The following MBOAT2 variants were observed in gnomAD, a reference collection of about 807,000 sequenced individuals.
MBOAT2 encodes membrane-bound glycerophospholipid O-acyltransferase 2.
Under a neutral mutation model 63.4 loss-of-function variants are expected in MBOAT2, and 28 were observed. The observed-to-expected ratio is 0.44, with a 90% confidence interval of 0.33 to 0.61. The LOEUF is 0.61. Among genes scored for constraint, MBOAT2 ranks in the 20% least tolerant of loss-of-function variants. MBOAT2 has a pLI of 0.03. For missense variants in MBOAT2, 470 were observed against 605.8 expected, an observed-to-expected ratio of 0.78 and a Z score of 2.35; for synonymous variants, 211 against 215.6, an observed-to-expected ratio of 0.98 and a Z score of 0.19.
chr2:8,876,353 C>G (rs1312491385), intron 7 of MBOAT2, among the ~76,000 whole-genome samples: 5 of 152,170 alleles, frequency 3.3e-5, no homozygotes, highest in African/African-American at 1.2e-4. Flanking sequence ...TCAGTTTCCT[C>G]AATGGTGAGA....
intron 4 of MBOAT2, among the ~76,000 whole-genome samples, chr2:8,905,010 A>G (rs77479021): frequency 0.013 from 1,942 of 152,126 alleles, 24 homozygotes; most frequent in Middle Eastern, 0.027. Flanking sequence ...ACACACACAC[A>G]CGCGCGCAGT....
At chr2:8,984,086 T>C (rs1008181948) in intron 1 of MBOAT2, among the ~76,000 whole-genome samples, 2 of 152,158 alleles carry the variant, frequency 1.3e-5, no homozygotes, top group African/African-American at 4.8e-5. Flanking sequence ...TGAGGTCCCA[T>C]AACATACCTC....
At position 8,858,641 on chromosome 2, in the gene MBOAT2, A is replaced by G; in HGVS notation, c.*38T>C. 17 of 1,475,096 alleles carry G rather than the reference A, an allele frequency of 1.2e-5. No homozygotes were observed. The highest frequency in any genetic ancestry group is 1.5e-5 in the Non-Finnish European group (16 of 1,083,450). 91.4% of individuals were successfully genotyped at this position (1,475,096 alleles called of 1,614,324 possible). ...AAGGTGCTAAGATTGGTTTCTGTTA[A>G]CATCAAAAAAAAAAAACAGCCCTCA... is the stretch of plus-strand genomic sequence containing the variant. On this transcript the variant is annotated 3_prime_UTR_variant, in exon 13 of 13. Coordinates refer to ENST00000305997, the MANE Select transcript of MBOAT2 (RefSeq NM_138799.4).
chr2:8,921,910 T>C (rs1391100521), intron 3 of MBOAT2, among the ~76,000 whole-genome samples: 4 of 152,182 alleles, frequency 2.6e-5, no homozygotes, highest in African/African-American at 9.7e-5. Flanking sequence ...AGATTAATGT[T>C]TTACATCAAA....
intron 4 of MBOAT2, among the ~76,000 whole-genome samples, chr2:8,895,457 A>C (rs1405615494): frequency 6.6e-6 from 1 of 152,224 alleles, no homozygotes; most frequent in Non-Finnish European, 1.5e-5. Flanking sequence ...TGAGCTAGAC[A>C]CAAAAGTTCT....
intron 4 of MBOAT2, among the ~76,000 whole-genome samples, chr2:8,895,413 G>A (rs1397191473): frequency 6.6e-6 from 1 of 152,158 alleles, no homozygotes; most frequent in African/African-American, 2.4e-5. Context: ...CCTTTAGCTA[G>A]ACACAGAGTG....
intron 2 of MBOAT2, among the ~76,000 whole-genome samples, chr2:8,953,201 T>C (rs1182365645): frequency 6.6e-6 from 1 of 152,224 alleles, no homozygotes; most frequent in Non-Finnish European, 1.5e-5. Context: ...GAAAAGAGTC[T>C]AGTTCTCCTT....
chr2:8,901,203 G>A (rs1041730779), intron 4 of MBOAT2, among the ~76,000 whole-genome samples: 2 of 151,384 alleles, frequency 1.3e-5, no homozygotes, highest in Admixed American at 1.3e-4. Context: ...CGATGCAGCA[G>A]CAGAAACAAC....
chr2:8,897,376 T>C (rs1664567487), intron 4 of MBOAT2, among the ~76,000 whole-genome samples: 2 of 151,982 alleles, frequency 1.3e-5, no homozygotes, highest in Non-Finnish European at 2.9e-5. Context: ...TGCCACCTCC[T>C]TGGGTTTCTG....
chr2:8,898,558 G>C (rs1664660955), intron 4 of MBOAT2, among the ~76,000 whole-genome samples: 1 of 152,218 alleles, frequency 6.6e-6, no homozygotes, highest in Admixed American at 6.5e-5. Context: ...ATCTAGAGTA[G>C]CCTGCTGGCA....
chr2:8,889,168 C>A (rs1663795774), intron 4 of MBOAT2, among the ~76,000 whole-genome samples: 1 of 152,278 alleles, frequency 6.6e-6, no homozygotes, highest in South Asian at 2.1e-4. Flanking sequence ...GAGGCTTAGA[C>A]CCCCGTGGGT....
chr2:8,860,720 C>T lies in MBOAT2; in HGVS notation c.1230G>A (p.Leu410=). The change falls in exon 12 of 13, where the codon CTG becomes CTA. Residue 410 remains leucine, a synonymous_variant. Transcript: ENST00000305997. ...ATGTTATAACATCATAAAATAATTT[C>T]AGTTGGGAAGGTTCAATGAAATAAT... ...FRHYFIEPSQ[L]KLFYDVITWI... The T allele has an allele frequency of 1.9e-6, 3 of 1,603,838 alleles. No homozygotes were observed. Among genetic ancestry groups the T allele is most frequent in the Non-Finnish European group, 2.6e-6 (3 of 1,171,808 alleles).
chr2:8,999,101 T>G (rs1672510881), intron 1 of MBOAT2, among the ~76,000 whole-genome samples: 1 of 152,170 alleles, frequency 6.6e-6, no homozygotes, highest in African/African-American at 2.4e-5. Context: ...CCCTTCCCCG[T>G]CCAAACCTTT....
At chr2:8,955,886 C>T (rs1039771947) in intron 2 of MBOAT2, among the ~76,000 whole-genome samples, 1 of 152,178 alleles carries the variant, frequency 6.6e-6, no homozygotes, top group African/African-American at 2.4e-5. Context: ...CAAAGCAAGA[C>T]ACTCTACCAA....
chr2:8,897,930 C>G (rs1664605178), intron 4 of MBOAT2, among the ~76,000 whole-genome samples: 4 of 152,160 alleles, frequency 2.6e-5, no homozygotes, highest in Non-Finnish European at 4.4e-5. Context: ...TCCTTTGCCA[C>G]CTAGTATGCC....
chr2:8,881,955 C>T (rs1222764112), intron 6 of MBOAT2, among the ~76,000 whole-genome samples: 1 of 152,184 alleles, frequency 6.6e-6, no homozygotes, highest in African/African-American at 2.4e-5. Context: ...GAGATAGACA[C>T]TGTGAAATTA....
At chr2:8,967,805 T>C (rs918490036) in intron 1 of MBOAT2, among the ~76,000 whole-genome samples, 1 of 151,994 alleles carries the variant, frequency 6.6e-6, no homozygotes, top group Non-Finnish European at 1.5e-5. Context: ...ACACAAACTT[T>C]GGAAACAATA....
chr2:8,987,786 A>G (rs892878339), intron 1 of MBOAT2, among the ~76,000 whole-genome samples: 3 of 152,182 alleles, frequency 2.0e-5, no homozygotes, highest in Admixed American at 6.5e-5. Context: ...TTTTATGTTC[A>G]GTATGAGCCC....
chr2:8,878,679 T>C (rs1202947918), intron 6 of MBOAT2, among the ~76,000 whole-genome samples: 1 of 152,238 alleles, frequency 6.6e-6, no homozygotes, highest in Non-Finnish European at 1.5e-5. Flanking sequence ...ATAAATTAAA[T>C]AGAACAAAAT....
Sources: gnomAD v4.1 joint callset for allele counts (sites outside exome capture counted in the v4.1 genomes callset) on GRCh38, gnomAD v4.1.1 for gene constraint, MANE v1.5 for transcripts, NCBI Gene and HGNC (gene_info 2026-07-23, HGNC 2026-07-21) for gene names.